COL14A1: variants seen among roughly 807,000 people sequenced by gnomAD.
COL14A1 encodes collagen type XIV alpha 1 chain, also known as collagen alpha-1(XIV) chain.
In COL14A1, 136 loss-of-function variants were observed where a neutral mutation model predicts 230.3. The observed-to-expected ratio is 0.59, with a 90% CI of 0.51 to 0.68. The LOEUF (loss-of-function observed/expected upper bound fraction) is 0.68, where lower values mean the gene tolerates loss of function less well. Ranked by LOEUF, COL14A1 falls within the 30% of genes least tolerant of loss-of-function variation. COL14A1 has a pLI of 0.00. For missense variants in COL14A1, 1,976 were observed against 2,215.8 expected (o/e 0.89, Z 2.17); for synonymous variants, 792 against 784.1 (o/e 1.01, Z -0.17).
At chr8:120,323,236 A>G (rs1821522110) in intron 40 of COL14A1, among the ~76,000 whole-genome samples, 2 of 151,154 alleles carry the variant, frequency 1.3e-5, no homozygotes, top group African/African-American at 4.9e-5. Context: ...ATGTCTGTTC[A>G]TATCCTTTGC....
chr8:120,195,433 T>C (rs746342536), intron 5 of COL14A1, among the ~76,000 whole-genome samples: 7 of 152,064 alleles, frequency 4.6e-5, no homozygotes, highest in Non-Finnish European at 8.8e-5. Flanking sequence ...ACATGAAAAT[T>C]CAGCAAAGTT....
rs555957134 is a variant in COL14A1, at chr8:120,267,261, C to A, written c.3073+378C>A. ...TTTCAGTCGTTTTTTCTTTCCTCAT[C>A]ACAACAGTTCCTCATCACCTTTTAC... On this transcript the variant is annotated intron_variant, in intron 25 of 47. Transcript: ENST00000297848. Among the ~76,000 whole-genome samples the A allele has an allele frequency of 2.0e-5, 3 of 151,980 alleles. No homozygotes were observed. In the South Asian group the frequency reaches 6.2e-4, roughly 32 times the overall value.
chr8:120,157,160 T>C (rs1398617941), intron 2 of COL14A1, among the ~76,000 whole-genome samples: 1 of 152,164 alleles, frequency 6.6e-6, no homozygotes, highest in African/African-American at 2.4e-5. Context: ...TACATTTTTG[T>C]AAACTGTCAG....
chr8:120,341,174 G>T, intron 42 of COL14A1, 151 bp from the exon 43 acceptor site: 1 of 735,766 alleles, frequency 1.4e-6, no homozygotes, highest in Non-Finnish European at 2.4e-6. Context: ...CGTACTGGTT[G>T]CTGTTTATTT....
intron 22 of COL14A1, among the ~76,000 whole-genome samples, chr8:120,255,011 C>T (rs1199079886): frequency 6.6e-6 from 1 of 151,974 alleles, no homozygotes; most frequent in African/African-American, 2.4e-5. Flanking sequence ...AAACAACAAA[C>T]AAATAAGAAA....
At chr8:120,335,338 C>G (rs1486196192) in intron 42 of COL14A1, among the ~76,000 whole-genome samples, 1 of 152,126 alleles carries the variant, frequency 6.6e-6, no homozygotes, top group Non-Finnish European at 1.5e-5. Context: ...GAAAGGGGCC[C>G]TTGAAAGCAG....
intron 1 of COL14A1, among the ~76,000 whole-genome samples, chr8:120,134,456 A>G (rs545156063): frequency 6.6e-6 from 1 of 152,278 alleles, no homozygotes; most frequent in East Asian, 1.9e-4. Context: ...ATTTACATCA[A>G]AATAAGTTTT....
intron 20 of COL14A1, among the ~76,000 whole-genome samples, chr8:120,244,706 C>T (rs978840807): frequency 5.9e-5 from 9 of 152,160 alleles, no homozygotes; most frequent in African/African-American, 1.9e-4. Flanking sequence ...GCTGCAAATG[C>T]CATTAATTCA....
At chr8:120,253,205 C>T (rs1055341914) in intron 22 of COL14A1, among the ~76,000 whole-genome samples, 7 of 152,142 alleles carry the variant, frequency 4.6e-5, no homozygotes, top group African/African-American at 1.7e-4. Flanking sequence ...GACAGGGTTT[C>T]ACCATGTTGG....
intron 45 of COL14A1, among the ~76,000 whole-genome samples, chr8:120,357,115 C>A (rs1031872875): frequency 3.9e-5 from 6 of 152,152 alleles, no homozygotes; most frequent in African/African-American, 7.2e-5. Flanking sequence ...CTTAAAGCAA[C>A]AAATATATAT....
intron 9 of COL14A1, 53 bp from the exon 10 acceptor site, chr8:120,206,890 C>T (rs578092997): frequency 6.6e-7 from 1 of 1,509,588 alleles, no homozygotes; most frequent in East Asian, 2.3e-5. Context: ...GTCTTAGCTT[C>T]ATAAGAAATA....
At chr8:120,179,268 A>G (rs867654035) in intron 5 of COL14A1, among the ~76,000 whole-genome samples, 9 of 152,332 alleles carry the variant, frequency 5.9e-5, no homozygotes, top group Non-Finnish European at 1.3e-4. Context: ...TGCAGATGAC[A>G]TGATTATTTA....
At chr8:120,195,788 A>G (rs1044355813) in intron 5 of COL14A1, among the ~76,000 whole-genome samples, 2 of 152,208 alleles carry the variant, frequency 1.3e-5, no homozygotes, top group Non-Finnish European at 2.9e-5. Flanking sequence ...CTCCCACTGC[A>G]TCCCTCCCAT....
intron 2 of COL14A1, among the ~76,000 whole-genome samples, chr8:120,153,263 G>A (rs191047053): frequency 1.3e-5 from 2 of 152,302 alleles, no homozygotes; most frequent in African/African-American, 2.4e-5. Context: ...TGCGATCATG[G>A]CCTCCACGTC....
chr8:120,295,450 A>T (rs777229934), intron 34 of COL14A1, among the ~76,000 whole-genome samples: 5 of 151,842 alleles, frequency 3.3e-5, no homozygotes, highest in Non-Finnish European at 7.4e-5. Flanking sequence ...CAATCTGAAG[A>T]TGTAAAGATA....
chr8:120,366,885 C>T (rs989528870), intron 45 of COL14A1, among the ~76,000 whole-genome samples: 10 of 152,198 alleles, frequency 6.6e-5, no homozygotes, highest in African/African-American at 1.7e-4. Context: ...AAGACAAGGA[C>T]CAGTTCTTGG....
At chr8:120,359,868 TTCTC>T (rs149854518) in intron 45 of COL14A1, among the ~76,000 whole-genome samples, 3 of 151,512 alleles carry the variant, frequency 2.0e-5, no homozygotes, top group African/African-American at 7.3e-5. Context: ...GCACCTCATC[TTCTC>T]TCTCTCTCTC....
At position 120,208,297 on chromosome 8, in the gene COL14A1, G is replaced by A; in HGVS notation, c.1257G>A (p.Gln419=). 6.2e-7 allele frequency: 1 copy of A among 1,613,696 alleles called. No individual in the cohort carries two copies. Among genetic ancestry groups the A allele is most frequent in the Non-Finnish European group, 8.5e-7 (1 of 1,179,776 alleles). The part of the protein sequence containing the change: ...LKNLMSLTEY[Q]IAVFAIYAHT... ...ACTTGATGTCTTTAACTGAATATCA[G>A]ATAGCAGTCTTTGCAATCTATGCCC... The change falls in exon 11 of 48, where the codon CAG becomes CAA. Residue 419 remains glutamine (Q), a synonymous_variant. Coordinates refer to ENST00000297848, the MANE Select transcript of COL14A1 (RefSeq NM_021110.4).
chr8:120,257,832 A>G (rs1402683494), intron 23 of COL14A1, among the ~76,000 whole-genome samples: 1 of 152,140 alleles, frequency 6.6e-6, no homozygotes, highest in African/African-American at 2.4e-5. Context: ...AAATCCTTAC[A>G]GTTTGATGGG....
Sources: gnomAD v4.1 joint callset for allele counts (sites outside exome capture counted in the v4.1 genomes callset) on GRCh38, gnomAD v4.1.1 for gene constraint, MANE v1.5 for transcripts, NCBI Gene and HGNC (gene_info 2026-07-23, HGNC 2026-07-21) for gene names.